LRRC4C: variants seen among roughly 807,000 people sequenced by gnomAD.
LRRC4C encodes the protein leucine-rich repeat-containing protein 4C.
LRRC4C carries 5 observed loss-of-function variants against 33.6 expected under a neutral mutation model. The ratio of observed to expected loss-of-function variants is 0.15; its 90% CI spans 0.08 to 0.31. The LOEUF (loss-of-function observed/expected upper bound fraction) is 0.31. Ranked by LOEUF, LRRC4C falls within the 10% of genes least tolerant of loss-of-function variation. The pLI is 1.00. For missense variants in LRRC4C, 560 were observed against 796.7 expected, an observed-to-expected ratio of 0.70 and a Z score of 3.58; for synonymous variants, 329 against 302.0, an observed-to-expected ratio of 1.09 and a Z score of -0.93.
At chr11:41,184,394 T>G (rs181523964) in intron 1 of LRRC4C, among the ~76,000 whole-genome samples, 131 of 152,234 alleles carry the variant, frequency 8.6e-4, no homozygotes, top group African/African-American at 3.0e-3. Context: ...AGAAATTTCC[T>G]CTGCCAAATA....
intron 3 of LRRC4C, among the ~76,000 whole-genome samples, chr11:40,454,851 T>A (rs762212468): frequency 6.6e-6 from 1 of 152,188 alleles, no homozygotes; most frequent in Non-Finnish European, 1.5e-5. Flanking sequence ...AAACCTTTTT[T>A]TTTAAATCCA....
At chr11:40,761,049 A>G (rs111286172) in intron 2 of LRRC4C, among the ~76,000 whole-genome samples, 2 of 151,758 alleles carry the variant, frequency 1.3e-5, no homozygotes, top group African/African-American at 4.8e-5. Context: ...GACATGAAGC[A>G]CATCTAAACC....
chr11:40,904,478 G>A (rs950354417), intron 2 of LRRC4C, among the ~76,000 whole-genome samples: 1 of 151,890 alleles, frequency 6.6e-6, no homozygotes, highest in African/African-American at 2.4e-5. Flanking sequence ...CTTCTCTCCC[G>A]AAATAAAGAG....
chr11:40,192,046 T>G (rs1294602606), intron 5 of LRRC4C, among the ~76,000 whole-genome samples: 1 of 152,186 alleles, frequency 6.6e-6, no homozygotes, highest in African/African-American at 2.4e-5. Flanking sequence ...TAACATTATA[T>G]AGGCACTTGA....
At chr11:40,308,399 C>T (rs1156260245) in intron 4 of LRRC4C, among the ~76,000 whole-genome samples, 1 of 152,172 alleles carries the variant, frequency 6.6e-6, no homozygotes, top group Non-Finnish European at 1.5e-5. Context: ...TGAATAATGC[C>T]TCCCCTCAAC....
At chr11:40,281,733 C>A (rs1386703006) in intron 4 of LRRC4C, among the ~76,000 whole-genome samples, 1 of 152,136 alleles carries the variant, frequency 6.6e-6, no homozygotes, top group Non-Finnish European at 1.5e-5. Flanking sequence ...AATAAGATGT[C>A]TTTTAAAGCA....
intron 1 of LRRC4C, among the ~76,000 whole-genome samples, chr11:41,312,498 G>A (rs1186080133): frequency 1.3e-5 from 2 of 152,130 alleles, no homozygotes; most frequent in Non-Finnish European, 2.9e-5. Flanking sequence ...GAACACTTCT[G>A]CATTTCTGTG....
rs899421844 is a variant in LRRC4C at position 40,313,697 on chromosome 11, T to C, written c.-176+5931A>G. 2.1e-5 allele frequency among the ~76,000 whole-genome samples: 3 copies of C among 141,558 alleles called. No individual in the cohort carries two copies. The South Asian group carries it at 6.9e-4, about 33-fold the overall frequency. The allele number at this position is 141,558 out of a possible 152,430, so 92.9% of individuals were successfully genotyped here. On this transcript the variant is annotated intron_variant, in intron 4 of 6. Coordinates refer to ENST00000528697, the MANE Select transcript of LRRC4C (RefSeq NM_001258419.2). Reference sequence around the variant, plus strand: ...ATCTCGGCTCACTGCAAGCTCCACCTTCCGGGTTCACGCCATTCTCTTGCC... The same window carrying C: ...ATCTCGGCTCACTGCAAGCTCCACCCTCCGGGTTCACGCCATTCTCTTGCC...
intron 5 of LRRC4C, among the ~76,000 whole-genome samples, chr11:40,212,419 T>G (rs1000604305): frequency 2.0e-5 from 3 of 149,518 alleles, no homozygotes; most frequent in Non-Finnish European, 4.4e-5. Context: ...TAGTAGTATG[T>G]AAAAACACAC....
intron 1 of LRRC4C, among the ~76,000 whole-genome samples, chr11:41,068,093 C>A (rs1938393311): frequency 1.3e-5 from 2 of 151,936 alleles, no homozygotes; most frequent in African/African-American, 4.8e-5. Flanking sequence ...TATGAAAAAC[C>A]CTTCAAAACA....
intron 5 of LRRC4C, among the ~76,000 whole-genome samples, chr11:40,165,772 C>A (rs945241320): frequency 2.6e-5 from 4 of 152,080 alleles, no homozygotes; most frequent in Non-Finnish European, 4.4e-5. Context: ...ATGGAGGAAC[C>A]CTGTCTCTAC....
chr11:41,435,071 G>C (rs573719453), intron 1 of LRRC4C, among the ~76,000 whole-genome samples: 4 of 152,114 alleles, frequency 2.6e-5, no homozygotes, highest in Non-Finnish European at 5.9e-5. Context: ...CTGAAAGACT[G>C]AGTGAGAATT....
chr11:41,078,126 A>C (rs1419063131), intron 1 of LRRC4C, among the ~76,000 whole-genome samples: 1 of 152,154 alleles, frequency 6.6e-6, no homozygotes, highest in Non-Finnish European at 1.5e-5. Context: ...TATTTTCCCT[A>C]TCACTATCAG....
chr11:40,334,862 A>C (rs1406757604), intron 3 of LRRC4C, among the ~76,000 whole-genome samples: 1 of 152,186 alleles, frequency 6.6e-6, no homozygotes, highest in Non-Finnish European at 1.5e-5. Flanking sequence ...AGCAGGAACA[A>C]AACCATATAG....
intron 1 of LRRC4C, among the ~76,000 whole-genome samples, chr11:41,242,932 G>T (rs912080980): frequency 6.6e-6 from 1 of 151,966 alleles, no homozygotes; most frequent in African/African-American, 2.4e-5. Flanking sequence ...TAATTAACTT[G>T]GTTTTTCTTA....
At chr11:40,282,150 A>G (rs144412322) in intron 4 of LRRC4C, among the ~76,000 whole-genome samples, 1 of 152,154 alleles carries the variant, frequency 6.6e-6, no homozygotes, top group Non-Finnish European at 1.5e-5. Flanking sequence ...GGAGTTTGAG[A>G]TCAGCCTGGC....
intron 5 of LRRC4C, among the ~76,000 whole-genome samples, chr11:40,200,790 A>G (rs1862683802): frequency 7.4e-6 from 1 of 134,564 alleles, no homozygotes; most frequent in African/African-American, 2.8e-5. Context: ...AAAAAAAAAG[A>G]AAAGAAAAGA....
chr11:40,275,187 C>T (rs906104784), intron 4 of LRRC4C, among the ~76,000 whole-genome samples: 2 of 152,094 alleles, frequency 1.3e-5, no homozygotes, highest in East Asian at 3.9e-4. Context: ...GTGAGAAATA[C>T]ACTGCATTCT....
At chr11:41,131,901 G>C (rs1943030722) in intron 1 of LRRC4C, among the ~76,000 whole-genome samples, 1 of 152,092 alleles carries the variant, frequency 6.6e-6, no homozygotes, top group South Asian at 2.1e-4. Context: ...GTTACCCTAT[G>C]TGGTCTAAAA....
Sources: gnomAD v4.1 joint callset for allele counts (sites outside exome capture counted in the v4.1 genomes callset) on GRCh38, gnomAD v4.1.1 for gene constraint, MANE v1.5 for transcripts, NCBI Gene and HGNC (gene_info 2026-07-23, HGNC 2026-07-21) for gene names.